The following GPHN variants were observed in gnomAD, a reference collection of about 807,000 sequenced individuals.
GPHN encodes the protein gephyrin.
In GPHN, 17 loss-of-function variants were observed where a neutral mutation model predicts 95.5. The ratio of observed to expected loss-of-function variants is 0.18; its 90% confidence interval spans 0.12 to 0.27. The LOEUF (loss-of-function observed/expected upper bound fraction) is 0.27. Among genes scored for constraint, GPHN ranks in the 10% least tolerant of loss-of-function variants. The probability of loss-of-function intolerance (pLI) is 1.00; values close to 1 mark genes in which losing one functional copy is unlikely to be tolerated. For synonymous variants in GPHN, 320 were observed against 322.5 expected (o/e 0.99, Z 0.08); for missense variants, 660 against 978.1 (o/e 0.67, Z 4.34).
At chr14:67,140,654 A>C (rs894638787) in intron 17 of GPHN, among the ~76,000 whole-genome samples, 2 of 152,314 alleles carry the variant, frequency 1.3e-5, no homozygotes, top group Non-Finnish European at 2.9e-5. Context: ...AGTATTTTGA[A>C]CCACATTCCA....
the GPHN span, among the ~76,000 whole-genome samples, chr14:67,509,284 C>T: frequency 2.2e-3 from 329 of 151,904 alleles, 1 homozygote; most frequent in Non-Finnish European, 3.8e-3. Context: ...GTACTTCTGT[C>T]TCCTTTTAAC....
chr14:66,748,353 C>G (rs2058237729), intron 2 of GPHN, among the ~76,000 whole-genome samples: 1 of 151,884 alleles, frequency 6.6e-6, no homozygotes. Context: ...CATTTATAGA[C>G]TTTTTAAATA....
the GPHN span, among the ~76,000 whole-genome samples, chr14:67,278,719 T>G: frequency 6.6e-6 from 1 of 152,208 alleles, no homozygotes; most frequent in African/African-American, 2.4e-5. Context: ...TCTACCAAAC[T>G]AGTACCCCAA....
chr14:66,915,300 C>G (rs558359480), intron 5 of GPHN, among the ~76,000 whole-genome samples: 1 of 152,116 alleles, frequency 6.6e-6, no homozygotes. Flanking sequence ...GTTACCAGAT[C>G]AGAGTAACAC....
intron 2 of GPHN, among the ~76,000 whole-genome samples, chr14:66,705,061 C>T (rs552197084): frequency 6.7e-4 from 102 of 152,328 alleles, no homozygotes; most frequent in Admixed American, 1.6e-3. Context: ...ACTAGAAAAT[C>T]TAGAAGAAAT....
At chr14:66,764,572 T>G (rs2058891658) in intron 2 of GPHN, among the ~76,000 whole-genome samples, 3 of 152,136 alleles carry the variant, frequency 2.0e-5, no homozygotes, top group Admixed American at 2.0e-4. Flanking sequence ...GACTCTAGAT[T>G]TTATGCTTTT....
At chr14:67,167,497 T>C (rs909682730) in intron 20 of GPHN, among the ~76,000 whole-genome samples, 25 of 152,202 alleles carry the variant, frequency 1.6e-4, no homozygotes, top group African/African-American at 5.8e-4. Flanking sequence ...ATCGAAACTA[T>C]TAGTATCACT....
intron 3 of GPHN, among the ~76,000 whole-genome samples, chr14:66,780,416 A>G (rs2059563054): frequency 6.6e-6 from 1 of 152,176 alleles, no homozygotes; most frequent in South Asian, 2.1e-4. Flanking sequence ...AACCTTAAGG[A>G]AGACTTACCC....
At chr14:67,040,688 A>G (rs1335679716) in intron 10 of GPHN, among the ~76,000 whole-genome samples, 1 of 152,112 alleles carries the variant, frequency 6.6e-6, no homozygotes, top group African/African-American at 2.4e-5. Flanking sequence ...TGAAGCATAT[A>G]GCTCAGTTAT....
At chr14:67,586,580 C>A in the GPHN span, 1 of 498,724 alleles carries the variant, frequency 2.0e-6, no homozygotes, top group South Asian at 1.6e-5. Flanking sequence ...GCTTTAGTGA[C>A]TTTGTTCCTA....
chr14:67,486,321 C>G, the GPHN span, among the ~76,000 whole-genome samples: 1 of 152,244 alleles, frequency 6.6e-6, no homozygotes, highest in African/African-American at 2.4e-5. Context: ...TGTTGCCAGG[C>G]TGGGGTGCAA....
intron 1 of GPHN, among the ~76,000 whole-genome samples, chr14:66,670,715 C>T (rs2066257440): frequency 6.6e-6 from 1 of 152,150 alleles, no homozygotes; most frequent in African/African-American, 2.4e-5. Context: ...TCATTTGAGC[C>T]TAGGCGGTGG....
intron 3 of GPHN, among the ~76,000 whole-genome samples, chr14:66,788,344 A>G (rs1212858437): frequency 2.6e-5 from 4 of 152,232 alleles, no homozygotes; most frequent in Non-Finnish European, 5.9e-5. Flanking sequence ...CAGTTAATCT[A>G]TGAATGACAA....
At chr14:67,659,846 T>C in the GPHN span, 3 of 1,614,194 alleles carry the variant, frequency 1.9e-6, no homozygotes, top group Non-Finnish European at 2.5e-6. Context: ...GTCCTTCCGG[T>C]AGTTTCGAAG....
At chr14:67,172,287 A>G (rs1162706494) in intron 21 of GPHN, among the ~76,000 whole-genome samples, 1 of 152,116 alleles carries the variant, frequency 6.6e-6, no homozygotes, top group Non-Finnish European at 1.5e-5. Flanking sequence ...AGCTAAAGCC[A>G]TATACGGCCT....
At chr14:67,318,795 T>C in the GPHN span, among the ~76,000 whole-genome samples, 1 of 152,076 alleles carries the variant, frequency 6.6e-6, no homozygotes, top group Non-Finnish European at 1.5e-5. Flanking sequence ...CGGTGGGTCA[T>C]GCCTGTAATC....
chr14:67,441,705 G>A, the GPHN span: 6 of 148,618 alleles, frequency 4.0e-5, no homozygotes, highest in Admixed American at 1.3e-4. Flanking sequence ...CAATCTGTTG[G>A]AGGTGAGGCC....
the GPHN span, among the ~76,000 whole-genome samples, chr14:67,609,709 C>G: frequency 5.9e-5 from 9 of 152,144 alleles, no homozygotes; most frequent in African/African-American, 2.2e-4. Context: ...ATAACAAGAG[C>G]CTTTCACCTT....
At chr14:67,714,508 T>G in the GPHN span, 1 of 153,722 alleles carries the variant, frequency 6.5e-6, no homozygotes, top group Non-Finnish European at 1.5e-5. Context: ...TCCCTAGCCT[T>G]TCAGAAGGAA....
Sources: allele counts gnomAD v4.1 joint callset (sites outside exome capture counted in the v4.1 genomes callset), GRCh38; gene constraint gnomAD v4.1.1; transcripts MANE v1.5; gene names NCBI Gene and HGNC (gene_info 2026-07-23, HGNC 2026-07-21).